The following PGBD5 variants were observed in gnomAD, a reference collection of about 807,000 sequenced individuals.
PGBD5 encodes piggyBac transposable element derived 5, also known as piggyBac transposable element-derived protein 5.
PGBD5 carries 14 observed loss-of-function variants against 47.9 expected under a neutral mutation model. The ratio of observed to expected loss-of-function variants is 0.29; its 90% CI spans 0.19 to 0.46. The LOEUF (loss-of-function observed/expected upper bound fraction) is 0.46, where lower values mean the gene tolerates loss of function less well. Ranked by LOEUF, PGBD5 falls within the 20% of genes least tolerant of loss-of-function variation. PGBD5 has a pLI of 1.00. For missense variants in PGBD5, 635 were observed against 716.0 expected (o/e 0.89, Z 1.29); for synonymous variants, 316 against 306.3 (o/e 1.03, Z -0.33).
intron 1 of PGBD5, among the ~76,000 whole-genome samples, chr1:230,360,877 T>C (rs1016137650): frequency 2.6e-5 from 4 of 152,210 alleles, no homozygotes; most frequent in Non-Finnish European, 5.9e-5. Context: ...GATCCGTTTA[T>C]GAGAGCTTCC....
In PGBD5 at chr1:230,371,479, CA is replaced by C. The variant is rs576653214; in HGVS notation, c.332-14159del. ...CCTATTCTTGGAAGAATTGAAGTCACAAAGGTTACTGCCACTTGGCTCCTGG... is the reference window on the plus strand; with the variant it reads ...CCTATTCTTGGAAGAATTGAAGTCACAAGGTTACTGCCACTTGGCTCCTGG... On this transcript the variant is annotated intron_variant, in intron 1 of 6. Transcript: ENST00000391860. Among the ~76,000 whole-genome samples, 565 of 152,294 alleles carry C rather than the reference CA, an allele frequency of 3.7e-3. 4 individuals carry two copies. The highest frequency in any genetic ancestry group is 0.012 in the African/African-American group (505 of 41,558).
intron 5 of PGBD5, among the ~76,000 whole-genome samples, chr1:230,332,034 C>CCAT (rs1667227198): frequency 2.0e-5 from 3 of 147,558 alleles, no homozygotes; most frequent in Non-Finnish European, 4.5e-5. Context: ...ACCACACACA[C>CCAT]ACCACACACA....
intron 1 of PGBD5, among the ~76,000 whole-genome samples, chr1:230,370,777 A>C (rs1400630077): frequency 2.6e-5 from 4 of 152,196 alleles, no homozygotes; most frequent in African/African-American, 9.6e-5. Flanking sequence ...CACAGCCTCA[A>C]CGCACATGGC....
At chr1:230,367,161 G>A (rs768929577) in intron 1 of PGBD5, among the ~76,000 whole-genome samples, 8 of 151,944 alleles carry the variant, frequency 5.3e-5, no homozygotes, top group East Asian at 1.9e-4. Flanking sequence ...CTCTTCAGTC[G>A]CAATCAAATT....
chr1:230,403,577 G>A lies in PGBD5; in HGVS notation c.331+22021C>T, dbSNP rs558278021. On this transcript the variant is annotated intron_variant, in intron 1 of 6. Transcript: ENST00000391860. Reference sequence around the variant, plus strand: ...GGAGGCTGGCCTGGAGAGACCTGCGGGCCCTGGAGGAAAACCAGCCCCATC... The same window carrying A: ...GGAGGCTGGCCTGGAGAGACCTGCGAGCCCTGGAGGAAAACCAGCCCCATC... Among the ~76,000 whole-genome samples the A allele has an allele frequency of 2.6e-5, 4 of 152,322 alleles. No homozygotes were observed. The East Asian group carries it at 7.7e-4, about 29-fold the overall frequency.
intron 1 of PGBD5, among the ~76,000 whole-genome samples, chr1:230,411,243 A>G (rs1171695948): frequency 6.6e-6 from 1 of 152,230 alleles, no homozygotes; most frequent in Non-Finnish European, 1.5e-5. Flanking sequence ...TGATCGTGCC[A>G]TCGCACTCCA....
In PGBD5 at chr1:230,380,907, C is replaced by T. The variant is rs140821322; in HGVS notation, c.332-23586G>A. Among the ~76,000 whole-genome samples, 79 of 152,312 alleles carry T rather than the reference C, an allele frequency of 5.2e-4. 2 individuals are homozygous for T. The East Asian group carries it at 0.014, about 27-fold the overall frequency. On this transcript the variant is annotated intron_variant, in intron 1 of 6. Coordinates refer to ENST00000391860, the MANE Select transcript of PGBD5 (RefSeq NM_001258311.2). ...GCAATGGCTGGAATCAACCCAGAAACGGTAAAGGGAAGAGTCAGAGTGCTA... is the reference window on the plus strand; with the variant it reads ...GCAATGGCTGGAATCAACCCAGAAATGGTAAAGGGAAGAGTCAGAGTGCTA...
At chr1:230,325,619 G>C (rs1667103288) in intron 5 of PGBD5, among the ~76,000 whole-genome samples, 1 of 152,180 alleles carries the variant, frequency 6.6e-6, no homozygotes, top group Non-Finnish European at 1.5e-5. Context: ...AGTCAGGTGA[G>C]TGCCATGGTA....
At chr1:230,368,044 A>G (rs1315386471) in intron 1 of PGBD5, 2 of 1,367,554 alleles carry the variant, frequency 1.5e-6, no homozygotes, top group Admixed American at 1.9e-5. Flanking sequence ...AGGAATGAAT[A>G]CTCCCTGGAA....
At chr1:230,394,968 C>T (rs867175321) in intron 1 of PGBD5, among the ~76,000 whole-genome samples, 22 of 142,174 alleles carry the variant, frequency 1.5e-4, no homozygotes, top group African/African-American at 4.5e-4. Flanking sequence ...AAGCTCCTCT[C>T]GTTCCCACCT....
chr1:230,401,166 A>T (rs1657129894), intron 1 of PGBD5, among the ~76,000 whole-genome samples: 1 of 152,286 alleles, frequency 6.6e-6, no homozygotes, highest in East Asian at 1.9e-4. Context: ...CACCATTAGG[A>T]GAGCTGCGTG....
intron 1 of PGBD5, among the ~76,000 whole-genome samples, chr1:230,370,660 T>C (rs747802040): frequency 1.3e-4 from 20 of 152,198 alleles, no homozygotes; most frequent in Non-Finnish European, 2.6e-4. Context: ...GTCACAGAAC[T>C]AGTAAGTGGT....
At chr1:230,369,569 A>G (rs1203766503) in intron 1 of PGBD5, among the ~76,000 whole-genome samples, 4 of 152,042 alleles carry the variant, frequency 2.6e-5, no homozygotes, top group African/African-American at 9.7e-5. Context: ...GATTGACCCC[A>G]CACACCTGGC....
At chr1:230,423,022 TAAAA>T (rs5781584) in intron 1 of PGBD5, among the ~76,000 whole-genome samples, 1 of 142,952 alleles carries the variant, frequency 7.0e-6, no homozygotes. Flanking sequence ...TCTTTCTGAT[TAAAA>T]AAAAAAAAAC....
In PGBD5 at chr1:230,356,616, A is replaced by G. The variant is rs141843210; in HGVS notation, c.759+278T>C. 5.4e-3 allele frequency among the ~76,000 whole-genome samples: 830 copies of G among 152,362 alleles called. 10 individuals carry two copies. The highest frequency in any genetic ancestry group is 0.034 in the Middle Eastern group (10 of 294). ...CACCATTTGGAAAGTATAATTAAAG[A>G]TAAGGAAGGAAAGGGAGAAAAGAGG... On this transcript the variant is annotated intron_variant, in intron 2 of 6. Transcript: ENST00000391860.
chr1:230,333,102 C>T (rs991125357), intron 4 of PGBD5, 61 bp from the exon 5 acceptor site: 5 of 1,510,418 alleles, frequency 3.3e-6, no homozygotes, highest in Non-Finnish European at 4.5e-6. Context: ...GGCGGCTCCT[C>T]CGCCCTGGGC....
At chr1:230,386,524 C>G (rs1289364081) in intron 1 of PGBD5, among the ~76,000 whole-genome samples, 2 of 152,208 alleles carry the variant, frequency 1.3e-5, no homozygotes, top group African/African-American at 4.8e-5. Context: ...CTTGTCAGTA[C>G]TGGGAGTGCC....
chr1:230,373,704 TC>T (rs1667968489), intron 1 of PGBD5, among the ~76,000 whole-genome samples: 1 of 152,224 alleles, frequency 6.6e-6, no homozygotes. Context: ...TGAGGTTTTT[TC>T]TTTTTTGATT....
At chr1:230,413,431 T>C (rs1357964903) in intron 1 of PGBD5, among the ~76,000 whole-genome samples, 1 of 151,866 alleles carries the variant, frequency 6.6e-6, no homozygotes, top group Admixed American at 6.6e-5. Context: ...GCCTGGGAAG[T>C]AGGGGCTGCA....
Sources: allele counts gnomAD v4.1 joint callset (sites outside exome capture counted in the v4.1 genomes callset), GRCh38; gene constraint gnomAD v4.1.1; transcripts MANE v1.5; gene names NCBI Gene and HGNC (gene_info 2026-07-23, HGNC 2026-07-21).